PARD3B: variants seen among roughly 807,000 people sequenced by gnomAD.
The protein encoded by PARD3B is partitioning defective 3 homolog B.
PARD3B carries 103 observed loss-of-function variants against 130.2 expected under a neutral mutation model. The observed-to-expected ratio is 0.79, with a 90% confidence interval of 0.67 to 0.93. The LOEUF is 0.93. PARD3B is among the 40% of genes least tolerant of loss of function. The pLI, the probability that PARD3B is intolerant of heterozygous loss-of-function variation, is 0.00. For synonymous variants in PARD3B, 583 were observed against 553.2 expected (o/e 1.05, Z -0.76); for missense variants, 1,609 against 1,499.2 (o/e 1.07, Z -1.21).
At chr2:204,634,186 T>C (rs988035360) in intron 1 of PARD3B, among the ~76,000 whole-genome samples, 15 of 152,170 alleles carry the variant, frequency 9.9e-5, no homozygotes, top group African/African-American at 3.4e-4. Flanking sequence ...ATTCTGTATA[T>C]CCCTGAGTTC....
chr2:204,717,161 C>T (rs994323579), intron 2 of PARD3B, among the ~76,000 whole-genome samples: 5 of 152,126 alleles, frequency 3.3e-5, no homozygotes, highest in African/African-American at 1.2e-4. Context: ...GATTTAGAAG[C>T]ATGAAGCATA....
At chr2:204,979,716 A>G (rs998074964) in intron 3 of PARD3B, among the ~76,000 whole-genome samples, 3 of 152,182 alleles carry the variant, frequency 2.0e-5, no homozygotes, top group African/African-American at 4.8e-5. Context: ...AAATTATAGC[A>G]ATAGCCCCTC....
At chr2:204,791,082 G>A (rs1006730806) in intron 2 of PARD3B, among the ~76,000 whole-genome samples, 19 of 151,366 alleles carry the variant, frequency 1.3e-4, no homozygotes, top group Non-Finnish European at 2.4e-4. Context: ...TCCAGCCAAG[G>A]TAGCAGATCT....
At chr2:205,024,778 A>G (rs538901198) in intron 3 of PARD3B, among the ~76,000 whole-genome samples, 1 of 152,334 alleles carries the variant, frequency 6.6e-6, no homozygotes, top group African/African-American at 2.4e-5. Context: ...AATAAGTTGT[A>G]TATTTCAAGC....
chr2:205,515,100 C>T (rs966040048), intron 21 of PARD3B, among the ~76,000 whole-genome samples: 2 of 152,094 alleles, frequency 1.3e-5, no homozygotes, highest in African/African-American at 4.8e-5. Flanking sequence ...ACTTGGTTTT[C>T]TGTTCCTGCA....
chr2:204,802,039 A>T (rs1207833939), intron 2 of PARD3B, among the ~76,000 whole-genome samples: 1 of 152,210 alleles, frequency 6.6e-6, no homozygotes, highest in East Asian at 1.9e-4. Context: ...CAAGCGTTGC[A>T]TCCCAGGGAT....
At chr2:204,631,282 G>A (rs555488437) in intron 1 of PARD3B, among the ~76,000 whole-genome samples, 4 of 147,322 alleles carry the variant, frequency 2.7e-5, no homozygotes, top group East Asian at 2.0e-4. Flanking sequence ...ACAGAGTCTC[G>A]CTCTGTCACC....
At chr2:204,724,494 G>C (rs1462838627) in intron 2 of PARD3B, among the ~76,000 whole-genome samples, 1 of 152,028 alleles carries the variant, frequency 6.6e-6, no homozygotes, top group Non-Finnish European at 1.5e-5. Flanking sequence ...ATAAATTATT[G>C]CTTTCTTATT....
chr2:205,489,369 T>TATAGGTCG (rs1486893511), intron 20 of PARD3B, among the ~76,000 whole-genome samples: 2 of 151,838 alleles, frequency 1.3e-5, no homozygotes, highest in Non-Finnish European at 2.9e-5. Flanking sequence ...CCCAGTGCTT[T>TATAGGTCG]AGGAGGCCGA....
intron 3 of PARD3B, among the ~76,000 whole-genome samples, chr2:204,969,944 T>C (rs1188977616): frequency 6.6e-6 from 1 of 152,140 alleles, no homozygotes; most frequent in Admixed American, 6.5e-5. Context: ...TTTGTATGTG[T>C]AGGAAAGTTC....
rs1574665924 is a variant in PARD3B, at chr2:204,673,840, T to C, written c.121-12341T>C. On this transcript the variant is annotated intron_variant, in intron 1 of 22. Coordinates refer to ENST00000406610, the MANE Select transcript of PARD3B (RefSeq NM_001302769.2). This position sits in a 1 kb window ranked among gnomAD's most constrained non-coding sequence, Gnocchi z 4.7. ...TTATTCCTTCCAAGAGCTGGATTTT[T>C]ATTCTCTTTTTTCTTAGATGTTGCA... Among the ~76,000 whole-genome samples, 1 of 152,234 alleles carries C rather than the reference T, an allele frequency of 6.6e-6. No individual in the cohort carries two copies. Among genetic ancestry groups the C allele is most frequent in the African/African-American group, 2.4e-5 (1 of 41,464 alleles).
chr2:205,482,231 T>G (rs4377318), intron 20 of PARD3B, among the ~76,000 whole-genome samples: 147,199 of 152,250 alleles, frequency 0.97, 71,348 homozygotes, highest in Non-Finnish European at 1. Flanking sequence ...AGAGAATAGC[T>G]AAAGAGACAG....
chr2:204,986,594 A>T (rs1693180736), intron 3 of PARD3B, among the ~76,000 whole-genome samples: 1 of 152,264 alleles, frequency 6.6e-6, no homozygotes, highest in African/African-American at 2.4e-5. Context: ...TTAATACTAT[A>T]TATGCCTGTT....
At chr2:205,543,665 ATC>A (rs764267837) in intron 21 of PARD3B, among the ~76,000 whole-genome samples, 88 of 152,288 alleles carry the variant, frequency 5.8e-4, no homozygotes, top group Non-Finnish European at 7.5e-4. Context: ...TCTCTTGATG[ATC>A]TCTGAACTTT....
chr2:204,973,673 TTC>T (rs984414841), intron 3 of PARD3B, among the ~76,000 whole-genome samples: 3 of 152,212 alleles, frequency 2.0e-5, no homozygotes, highest in African/African-American at 4.8e-5. Context: ...GCTCAGGATT[TTC>T]TCATTTGCTT....
intron 19 of PARD3B, among the ~76,000 whole-genome samples, chr2:205,418,255 T>G (rs1407312536): frequency 6.6e-6 from 1 of 152,176 alleles, no homozygotes. Context: ...TTTTTCCACT[T>G]AGAGGATTTG....
At chr2:205,129,949 C>A (rs1429108611) in intron 10 of PARD3B, among the ~76,000 whole-genome samples, 1 of 152,154 alleles carries the variant, frequency 6.6e-6, no homozygotes, top group Non-Finnish European at 1.5e-5. Flanking sequence ...CCTTCCTGAG[C>A]AATTGATTAA....
chr2:205,076,222 A>G (rs1447604873), intron 4 of PARD3B, among the ~76,000 whole-genome samples: 1 of 152,180 alleles, frequency 6.6e-6, no homozygotes, highest in Non-Finnish European at 1.5e-5. Flanking sequence ...ATATAACTAG[A>G]TTGATGCAGC....
chr2:204,775,575 C>G (rs1236953779), intron 2 of PARD3B, among the ~76,000 whole-genome samples: 5 of 152,142 alleles, frequency 3.3e-5, no homozygotes, highest in Non-Finnish European at 7.4e-5. Flanking sequence ...GATCTCTACA[C>G]AAGGAAACCT....
Sources: gnomAD v4.1 joint callset for allele counts (sites outside exome capture counted in the v4.1 genomes callset) on GRCh38, gnomAD v4.1.1 for gene constraint, Gnocchi (gnomAD v3.1) non-coding constraint, MANE v1.5 for transcripts, NCBI Gene and HGNC (gene_info 2026-07-23, HGNC 2026-07-21) for gene names.